The following FOXP1 variants were observed in gnomAD, a reference collection of about 807,000 sequenced individuals.
FOXP1 encodes forkhead box protein P1.
A neutral mutation model predicts 98.2 loss-of-function variants in FOXP1; 15 were observed. The ratio of observed to expected loss-of-function variants is 0.15; its 90% confidence interval spans 0.10 to 0.24. The LOEUF is 0.24. Among genes scored for constraint, FOXP1 ranks in the 10% least tolerant of loss-of-function variants. The pLI is 1.00. For missense variants in FOXP1, 633 were observed against 848.5 expected (o/e 0.75, Z 3.15); for synonymous variants, 371 against 314.5 (o/e 1.18, Z -1.90).
intron 3 of FOXP1, among the ~76,000 whole-genome samples, chr3:71,432,169 T>C (rs892622354): frequency 3.3e-5 from 5 of 152,222 alleles, no homozygotes; most frequent in African/African-American, 1.2e-4. Context: ...ACTAAGCAAC[T>C]AGGATGGATT....
chr3:70,959,872 G>A (rs77380220), intron 20 of FOXP1, among the ~76,000 whole-genome samples: 2,760 of 152,240 alleles, frequency 0.018, 36 homozygotes, highest in Middle Eastern at 0.044. Context: ...AAGTGATGCC[G>A]GTGGTCCTAG....
chr3:71,205,958 T>C (rs1010000604), intron 5 of FOXP1, among the ~76,000 whole-genome samples: 1 of 152,234 alleles, frequency 6.6e-6, no homozygotes, highest in African/African-American at 2.4e-5. Flanking sequence ...AACTTGTATT[T>C]ATCAATTAAA....
rs936719364 is a variant in FOXP1 at position 70,955,071 on chromosome 3, G to A, written c.*4176C>T. 2.2e-5 allele frequency: 5 copies of A among 232,102 alleles called. No homozygotes were observed. The highest frequency in any genetic ancestry group is 4.3e-5 in the Non-Finnish European group (5 of 117,460). The allele number at this position is 232,102 out of a possible 1,614,324, so 14.4% of individuals were successfully genotyped here. On this transcript the variant is annotated 3_prime_UTR_variant, in exon 21 of 21. Coordinates refer to ENST00000649528, the MANE Select transcript of FOXP1 (RefSeq NM_001349338.3). ...AGGATAAAGAAGCAAAACTGACTTT[G>A]AAGACATCCAGAATTTCAGGAGGCT...
chr3:71,054,988 G>A (rs1559829216), intron 7 of FOXP1, among the ~76,000 whole-genome samples: 1 of 151,900 alleles, frequency 6.6e-6, no homozygotes, highest in South Asian at 2.1e-4. Context: ...AAAAAAATCC[G>A]GCAGACAATA....
chr3:71,380,776 C>T (rs530778344), intron 3 of FOXP1, among the ~76,000 whole-genome samples: 4 of 127,950 alleles, frequency 3.1e-5, no homozygotes, highest in Non-Finnish European at 6.2e-5. Flanking sequence ...GAATATGCAT[C>T]TCTTCTGTGG....
chr3:71,211,649 AG>A (rs2064475775), intron 5 of FOXP1, among the ~76,000 whole-genome samples: 1 of 152,236 alleles, frequency 6.6e-6, no homozygotes, highest in Admixed American at 6.5e-5. Context: ...AATAGAAAAT[AG>A]TTCTAAAGAG....
At chr3:71,031,590 T>G (rs530791539) in intron 11 of FOXP1, among the ~76,000 whole-genome samples, 1 of 152,346 alleles carries the variant, frequency 6.6e-6, no homozygotes, top group South Asian at 2.1e-4. Flanking sequence ...AGCCAATGTT[T>G]TACTCTCAGA....
chr3:71,400,817 A>T (rs1483057956), intron 3 of FOXP1, among the ~76,000 whole-genome samples: 1 of 152,214 alleles, frequency 6.6e-6, no homozygotes, highest in Admixed American at 6.5e-5. Flanking sequence ...ATTGTGTTAG[A>T]TGTAGAACCC....
intron 6 of FOXP1, among the ~76,000 whole-genome samples, chr3:71,186,455 G>A (rs1184267162): frequency 6.6e-6 from 1 of 152,260 alleles, no homozygotes; most frequent in African/African-American, 2.4e-5. Context: ...GCTCACGCCT[G>A]TAATCCCAGC....
intron 20 of FOXP1, among the ~76,000 whole-genome samples, chr3:70,960,291 A>G (rs936266955): frequency 1.4e-4 from 21 of 152,208 alleles, no homozygotes; most frequent in African/African-American, 3.6e-4. Context: ...CAGAGCCCCA[A>G]TCAGAATAAT....
intron 6 of FOXP1, among the ~76,000 whole-genome samples, chr3:71,143,551 A>G (rs78649074): frequency 0.03 from 4,513 of 152,288 alleles, 236 homozygotes; most frequent in African/African-American, 0.1. Context: ...AAATGGAAAT[A>G]ATAATGACAC....
At chr3:71,188,366 C>CT (rs1330537913) in intron 6 of FOXP1, among the ~76,000 whole-genome samples, 7 of 151,728 alleles carry the variant, frequency 4.6e-5, no homozygotes, top group African/African-American at 1.7e-4. Context: ...GATAAAAACA[C>CT]GAATGTAGGA....
intron 2 of FOXP1, among the ~76,000 whole-genome samples, chr3:71,546,030 T>G (rs554559122): frequency 1.3e-5 from 2 of 152,322 alleles, no homozygotes; most frequent in African/African-American, 4.8e-5. Flanking sequence ...CTTTCAAAAG[T>G]GGAGACAATG....
chr3:71,288,865 T>C (rs2072450325), intron 5 of FOXP1, among the ~76,000 whole-genome samples: 1 of 152,132 alleles, frequency 6.6e-6, no homozygotes, highest in African/African-American at 2.4e-5. Context: ...GCTAGTTATA[T>C]AAAGCCAGTA....
intron 5 of FOXP1, among the ~76,000 whole-genome samples, chr3:71,219,108 C>T (rs1042870303): frequency 8.5e-5 from 13 of 152,194 alleles, no homozygotes; most frequent in African/African-American, 3.1e-4. Flanking sequence ...TCCCATCTTA[C>T]CAATTCCCAC....
chr3:71,386,325 A>C (rs1356618398), intron 3 of FOXP1, among the ~76,000 whole-genome samples: 1 of 152,230 alleles, frequency 6.6e-6, no homozygotes, highest in African/African-American at 2.4e-5. Flanking sequence ...AGTCCTCAAA[A>C]GGCTGATTCT....
chr3:70,987,981 G>T lies in FOXP1; in HGVS notation c.1146+13C>A, dbSNP rs1358995813. On this transcript the variant is annotated intron_variant, in intron 14 of 20. Coordinates refer to ENST00000649528, the MANE Select transcript of FOXP1 (RefSeq NM_001349338.3). ...GTTTTGTTTTTTTCCCCTTGGTGGG[G>T]ATCAATACTTACGGGCTGAGGGGCG... is the stretch of plus-strand genomic sequence containing the variant. The T allele has an allele frequency of 2.5e-6, 4 of 1,612,848 alleles. No homozygotes were observed. The highest frequency in any genetic ancestry group is 1.1e-5 in the South Asian group (1 of 91,062).
At chr3:71,128,644 G>C (rs762556693) in intron 6 of FOXP1, among the ~76,000 whole-genome samples, 1 of 152,046 alleles carries the variant, frequency 6.6e-6, no homozygotes, top group South Asian at 2.1e-4. Context: ...TCGACAAAAC[G>C]GTAAGAGTCA....
intron 3 of FOXP1, among the ~76,000 whole-genome samples, chr3:71,455,373 T>G (rs1291185639): frequency 6.6e-6 from 1 of 152,080 alleles, no homozygotes; most frequent in Non-Finnish European, 1.5e-5. Flanking sequence ...CCAAACCAAC[T>G]CCAACTAATT....
Sources: allele counts gnomAD v4.1 joint callset (sites outside exome capture counted in the v4.1 genomes callset), GRCh38; gene constraint gnomAD v4.1.1; transcripts MANE v1.5; gene names NCBI Gene and HGNC (gene_info 2026-07-23, HGNC 2026-07-21).